ARHGEF18: variants seen among roughly 807,000 people sequenced by gnomAD.
ARHGEF18 encodes Rho/Rac guanine nucleotide exchange factor 18.
Under a neutral mutation model 155.7 loss-of-function variants are expected in ARHGEF18, and 93 were observed. The ratio of observed to expected loss-of-function variants is 0.60; its 90% CI spans 0.50 to 0.71. The LOEUF is 0.71. Ranked by LOEUF, ARHGEF18 falls within the 30% of genes least tolerant of loss-of-function variation. ARHGEF18 has a pLI of 0.00. For synonymous variants in ARHGEF18, 742 were observed against 753.1 expected (o/e 0.99, Z 0.24); for missense variants, 1,593 against 1,816.1 (o/e 0.88, Z 2.23).
intron 13 of ARHGEF18, among the ~76,000 whole-genome samples, chr19:7,443,476 C>T (rs1187284726): frequency 2.0e-5 from 3 of 152,166 alleles, no homozygotes; most frequent in Non-Finnish European, 4.4e-5. Flanking sequence ...GCTGGGATTA[C>T]AGACGTGAGC....
At chr19:7,355,939 G>A (rs1201930598) in intron 1 of ARHGEF18, among the ~76,000 whole-genome samples, 1 of 152,174 alleles carries the variant, frequency 6.6e-6, no homozygotes, top group Non-Finnish European at 1.5e-5. Context: ...TTTGTCTCGG[G>A]CGGTAAATTT....
At chr19:7,458,734 G>T (rs751288322) in intron 19 of ARHGEF18, 44 bp downstream of exon 19, 1 of 1,568,482 alleles carries the variant, frequency 6.4e-7, no homozygotes, top group South Asian at 1.2e-5. Flanking sequence ...TGTTCCTTCC[G>T]CTGATTGGTC....
Position 7,467,677 on chromosome 19 carries a change from T to C in ARHGEF18, c.3473T>C (p.Leu1158Pro). The change falls in exon 26 of 29, where the codon CTG becomes CCG. Residue 1158 changes from leucine to proline, a missense_variant. Physicochemically the swap from Leu to Pro is moderately conservative, Grantham distance 98. Transcript: ENST00000668164. ...CCAGGCGCGCTGCCGCCCGACACAC[T>C]GGCCGAGGTGAGCGCGCAGCAGCCA... is the stretch of plus-strand genomic sequence containing the variant. ...TAPGALPPDT[L>P]AEAQPPSHPP... 1.3e-6 allele frequency: 2 copies of C among 1,501,468 alleles called. No homozygotes were observed. Among genetic ancestry groups the C allele is most frequent in the South Asian group, 2.5e-5 (2 of 80,038 alleles). The allele number at this position is 1,501,468 out of a possible 1,614,324, so 93.0% of individuals were successfully genotyped here.
chr19:7,361,031 G>T (rs1969525641), intron 1 of ARHGEF18, among the ~76,000 whole-genome samples: 1 of 152,112 alleles, frequency 6.6e-6, no homozygotes, highest in East Asian at 1.9e-4. Flanking sequence ...GAAGCTTCAG[G>T]CCCCATGTGT....
In ARHGEF18 at chr19:7,470,672, G is replaced by T; in HGVS notation, c.*374G>T. ...GTGAGGAACGGTGCCGGCTCTGCAC[G>T]GAGCTGAGGACAGGACAGACCTTGC... On this transcript the variant is annotated 3_prime_UTR_variant, in exon 29 of 29. Coordinates refer to ENST00000668164, the MANE Select transcript of ARHGEF18 (RefSeq NM_001367823.1). The surrounding 1 kb of genome is among the most constrained non-coding windows in gnomAD (Gnocchi z 5.9). 1 of 399,030 alleles carries T rather than the reference G, an allele frequency of 2.5e-6. No homozygotes were observed. The highest frequency in any genetic ancestry group is 4.4e-5 in the Admixed American group (1 of 22,704). 24.7% of individuals were successfully genotyped at this position (399,030 alleles called of 1,614,324 possible).
chr19:7,438,513 A>G (rs8112167), intron 10 of ARHGEF18, among the ~76,000 whole-genome samples: 60,707 of 149,190 alleles, frequency 0.41, 12,808 homozygotes, highest in East Asian at 0.6. Flanking sequence ...CGGGGTTCAA[A>G]CGATTCTCCT....
intron 10 of ARHGEF18, among the ~76,000 whole-genome samples, chr19:7,436,363 G>A (rs2145748532): frequency 6.6e-6 from 1 of 151,850 alleles, no homozygotes. Context: ...CACAACCTCT[G>A]CCTCCCAGGC....
At chr19:7,416,943 A>G (rs1394815075) in intron 10 of ARHGEF18, among the ~76,000 whole-genome samples, 1 of 140,602 alleles carries the variant, frequency 7.1e-6, no homozygotes, top group Non-Finnish European at 1.6e-5. Flanking sequence ...GGAGTCTCAC[A>G]CTGTTGCCCA....
chr19:7,418,039 T>TG (rs1360592175), intron 10 of ARHGEF18, among the ~76,000 whole-genome samples: 3 of 152,176 alleles, frequency 2.0e-5, no homozygotes, highest in Non-Finnish European at 4.4e-5. Context: ...GACGGGTTCC[T>TG]GGGGAAGGTG....
At position 7,440,298 on chromosome 19, in the gene ARHGEF18, C is replaced by G. The variant is rs774652797; in HGVS notation, c.968-46C>G. On this transcript the variant is annotated intron_variant, in intron 10 of 28. Coordinates refer to ENST00000668164, the MANE Select transcript of ARHGEF18 (RefSeq NM_001367823.1). The surrounding 1 kb of genome is among the most constrained non-coding windows in gnomAD (Gnocchi z 5.4). The stretch of plus-strand genomic sequence containing the variant: ...CTTCCGCGCCGGGGACCTCCGCTAC[C>G]CGACCCACTTTCTCAGCACCAACTC... The G allele has an allele frequency of 2.5e-6, 4 of 1,589,786 alleles. No homozygotes were observed. Among genetic ancestry groups the G allele is most frequent in the Non-Finnish European group, 3.4e-6 (4 of 1,168,588 alleles).
At chr19:7,473,127 G>A (rs1977115411), downstream of ARHGEF18, 1 of 456,174 alleles carries the variant, frequency 2.2e-6, no homozygotes, top group Non-Finnish European at 4.4e-6. Context: ...CCTCCATCTG[G>A]GGTGAGAGGC....
chr19:7,362,017 G>GGAAGAAGAAGA (rs1568264366), intron 1 of ARHGEF18, among the ~76,000 whole-genome samples: 1 of 51,144 alleles, frequency 2.0e-5, no homozygotes, highest in Non-Finnish European at 3.7e-5. Flanking sequence ...GAAGAAGAAG[G>GGAAGAAGAAGA]AGAAGGAGAA....
At chr19:7,358,323 A>T (rs1969410041) in intron 1 of ARHGEF18, among the ~76,000 whole-genome samples, 1 of 151,626 alleles carries the variant, frequency 6.6e-6, no homozygotes, top group Non-Finnish European at 1.5e-5. Flanking sequence ...CCATCCATCC[A>T]TTCAACATCC....
At chr19:7,411,273 CCCCTTT>C (rs1452830796) in intron 10 of ARHGEF18, among the ~76,000 whole-genome samples, 3 of 108,864 alleles carry the variant, frequency 2.8e-5, no homozygotes, top group Non-Finnish European at 4.1e-5. Context: ...CCTTCCCCTT[CCCCTTT>C]CCCTTTCCCT....
chr19:7,459,890 CCT>C lies in ARHGEF18; in HGVS notation c.2361-9_2361-8del, dbSNP rs1976092654. On this transcript the variant is annotated splice_polypyrimidine_tract_variant and intron_variant, in intron 19 of 28. Coordinates refer to ENST00000668164, the MANE Select transcript of ARHGEF18 (RefSeq NM_001367823.1). ...GGGAAGCACAGTTACCCACCCGACT[CCT>C]CTCCCTGCAGCTGCCCTGACGAGGA... The C allele has an allele frequency of 6.4e-7, 1 of 1,561,768 alleles. No homozygotes were observed. The highest frequency in any genetic ancestry group is 8.7e-7 in the Non-Finnish European group (1 of 1,152,874).
chr19:7,367,875 T>TATATATACACAC (rs1568270313), intron 2 of ARHGEF18, among the ~76,000 whole-genome samples: 5 of 40,066 alleles, frequency 1.2e-4, no homozygotes, highest in South Asian at 1.3e-3. Flanking sequence ...TATTTTTATA[T>TATATATACACAC]ATATATATTT....
At chr19:7,441,184 CTT>C (rs745422602) in intron 11 of ARHGEF18, among the ~76,000 whole-genome samples, 1 of 92,586 alleles carries the variant, frequency 1.1e-5, no homozygotes. Context: ...CCCCCCACCA[CTT>C]TTTTTTTTTT....
chr19:7,449,635 G>C (rs1342596557), intron 15 of ARHGEF18, among the ~76,000 whole-genome samples: 1 of 152,082 alleles, frequency 6.6e-6, no homozygotes, highest in African/African-American at 2.4e-5. Context: ...TGTGTGGACA[G>C]CTTGACAGAT....
intron 2 of ARHGEF18, among the ~76,000 whole-genome samples, chr19:7,369,776 G>A (rs8110005): frequency 0.4 from 60,989 of 151,908 alleles, 13,673 homozygotes; most frequent in African/African-American, 0.61. Context: ...CAGCCTGGGC[G>A]ACAGAGTGAG....
Sources: allele counts gnomAD v4.1 joint callset (sites outside exome capture counted in the v4.1 genomes callset), GRCh38; gene constraint gnomAD v4.1.1; non-coding constraint Gnocchi (gnomAD v3.1); transcripts MANE v1.5; gene names NCBI Gene and HGNC (gene_info 2026-07-23, HGNC 2026-07-21).